Variants in AK9 observed in about 807,000 individuals in gnomAD.
AK9 encodes adenylate kinase 9, also known as adenylate kinase domain containing 1.
A neutral mutation model predicts 239.6 loss-of-function variants in AK9; 191 were observed. The ratio of observed to expected loss-of-function variants is 0.80; its 90% CI spans 0.71 to 0.90. AK9 has a LOEUF of 0.90. Among genes scored for constraint, AK9 ranks in the 40% least tolerant of loss-of-function variants. AK9 has a pLI of 0.00. For synonymous variants in AK9, 689 were observed against 721.0 expected, an observed-to-expected ratio of 0.96 and a Z score of 0.71; for missense variants, 1,995 against 2,214.7, an observed-to-expected ratio of 0.90 and a Z score of 1.99.
chr6:109,533,120 G>A (rs1331519195), intron 28 of AK9, 131 bp downstream of exon 28: 6 of 670,896 alleles, frequency 8.9e-6, no homozygotes, highest in African/African-American at 1.8e-5. Context: ...CTTAATATTC[G>A]ATGAAAAATA....
intron 5 of AK9, among the ~76,000 whole-genome samples, chr6:109,665,370 A>G (rs1044988656): frequency 1.2e-4 from 19 of 152,180 alleles, no homozygotes; most frequent in African/African-American, 4.6e-4. Context: ...ATCCTATTGG[A>G]GGTTCATTAA....
chr6:109,628,713 G>A (rs1249614719), intron 12 of AK9, among the ~76,000 whole-genome samples: 1 of 151,992 alleles, frequency 6.6e-6, no homozygotes, highest in East Asian at 1.9e-4. Flanking sequence ...TCCTGATGAG[G>A]TTAGGCAGCT....
At chr6:109,547,822 T>A (rs1396922751) in intron 25 of AK9, among the ~76,000 whole-genome samples, 11 of 98,818 alleles carry the variant, frequency 1.1e-4, no homozygotes, top group Non-Finnish European at 1.8e-4. Flanking sequence ...CCAGAATATA[T>A]AAAGAACTCA....
chr6:109,526,554 C>T (rs1312019531), intron 29 of AK9, among the ~76,000 whole-genome samples: 2 of 151,938 alleles, frequency 1.3e-5, no homozygotes, highest in Admixed American at 6.6e-5. Flanking sequence ...TGGACAGAAG[C>T]TTGTGCCAGG....
intron 8 of AK9, among the ~76,000 whole-genome samples, chr6:109,650,899 C>T (rs1451564282): frequency 2.0e-5 from 3 of 152,090 alleles, no homozygotes; most frequent in African/African-American, 4.8e-5. Flanking sequence ...TACTACGCAG[C>T]CATAAAAAAT....
At chr6:109,546,590 T>C (rs183896438) in intron 25 of AK9, among the ~76,000 whole-genome samples, 8 of 152,270 alleles carry the variant, frequency 5.3e-5, no homozygotes, top group Admixed American at 5.2e-4. Flanking sequence ...AGAACAATGG[T>C]GAGTACTGGA....
chr6:109,550,525 C>T (rs1047183200), intron 24 of AK9: 2 of 395,662 alleles, frequency 5.1e-6, no homozygotes, highest in African/African-American at 2.1e-5. Flanking sequence ...GAAAATAAAG[C>T]AGCACTGAGA....
chr6:109,529,694 T>C (rs1780983037), intron 28 of AK9, among the ~76,000 whole-genome samples: 1 of 152,142 alleles, frequency 6.6e-6, no homozygotes. Context: ...TGATGGGAGA[T>C]AGTGACAGAT....
chr6:109,575,368 C>T (rs1183805314), intron 20 of AK9, among the ~76,000 whole-genome samples: 1 of 152,096 alleles, frequency 6.6e-6, no homozygotes, highest in East Asian at 1.9e-4. Context: ...TAATTATGGC[C>T]ATTCTTACAG....
intron 12 of AK9, among the ~76,000 whole-genome samples, chr6:109,621,747 A>AG (rs1430576867): frequency 8.4e-6 from 1 of 119,322 alleles, no homozygotes; most frequent in East Asian, 2.3e-4. Flanking sequence ...TGTGGTGGGG[A>AG]GGGGGGATGG....
chr6:109,633,205 C>G lies in AK9; in HGVS notation c.1052G>C (p.Gly351Ala). 1 of 1,598,492 alleles carries G rather than the reference C, an allele frequency of 6.3e-7. No homozygotes were observed. ...VNLKDGNIYS[G>A]LPDYSVSFLG... is the part of the protein sequence containing the mutation. The stretch of plus-strand genomic sequence containing the variant: ...TTACCTCACAGAATAATCTGGTAAT[C>G]CTGAATAAATGTTACCATCTTTTAA... Residue 351 changes from glycine to alanine, a missense_variant, in exon 11 of 41, where the codon GGA becomes GCA. Transcript: ENST00000424296.
chr6:109,620,782 C>A (rs12204769), intron 12 of AK9, among the ~76,000 whole-genome samples: 1 of 150,402 alleles, frequency 6.6e-6, no homozygotes, highest in Non-Finnish European at 1.5e-5. Flanking sequence ...ATAGTATACA[C>A]ATATACACCA....
chr6:109,493,229 C>T lies in AK9; in HGVS notation c.*140G>A. 1 of 803,366 alleles carries T rather than the reference C, an allele frequency of 1.2e-6. No homozygotes were observed. The highest frequency in any genetic ancestry group is 2.0e-6 in the Non-Finnish European group (1 of 507,596). 49.8% of individuals were successfully genotyped at this position (803,366 alleles called of 1,614,324 possible). On this transcript the variant is annotated 3_prime_UTR_variant, in exon 41 of 41. Transcript: ENST00000424296. ...CTGGCTGGCAGACCTTTGAGTTCAC[C>T]TGAAGTCTGGCAGCCATGGTACCTT...
intron 24 of AK9, among the ~76,000 whole-genome samples, chr6:109,551,742 T>TA (rs1784384732): frequency 6.9e-6 from 1 of 145,064 alleles, no homozygotes; most frequent in African/African-American, 2.5e-5. Context: ...CAAGTCCTTA[T>TA]AATTTTTTTT....
chr6:109,636,572 C>G (rs1376366989), intron 10 of AK9, among the ~76,000 whole-genome samples: 1 of 151,116 alleles, frequency 6.6e-6, no homozygotes, highest in Admixed American at 6.6e-5. Context: ...CCCCCCAGCC[C>G]CTGGTAACCT....
intron 27 of AK9, among the ~76,000 whole-genome samples, chr6:109,535,925 G>C (rs1278795147): frequency 7.9e-5 from 12 of 152,078 alleles, no homozygotes. Context: ...TAGATGTGTG[G>C]TATTACCTCT....
At chr6:109,674,082 G>A (rs1771336283) in intron 3 of AK9, 116 bp downstream of exon 3, 1 of 669,610 alleles carries the variant, frequency 1.5e-6, no homozygotes, top group East Asian at 3.4e-5. Context: ...ATAGCAAAAC[G>A]TTAATCACAG....
chr6:109,541,632 A>C (rs763338494), intron 27 of AK9, among the ~76,000 whole-genome samples: 99 of 152,108 alleles, frequency 6.5e-4, no homozygotes, highest in Middle Eastern at 3.2e-3. Context: ...CTGGTCTCGA[A>C]CTCCCAACCT....
At chr6:109,536,772 C>T (rs546712813) in intron 27 of AK9, among the ~76,000 whole-genome samples, 43 of 152,186 alleles carry the variant, frequency 2.8e-4, no homozygotes, top group African/African-American at 8.2e-4. Flanking sequence ...TTTTGAGATA[C>T]GTCCCATCAA....
Sources: gnomAD v4.1 joint callset for allele counts (sites outside exome capture counted in the v4.1 genomes callset) on GRCh38, gnomAD v4.1.1 for gene constraint, MANE v1.5 for transcripts, NCBI Gene and HGNC (gene_info 2026-07-23, HGNC 2026-07-21) for gene names.